Variants in GUCY1A2 observed in about 807,000 individuals in gnomAD.
GUCY1A2 encodes the protein guanylate cyclase soluble subunit alpha-2.
Under a neutral mutation model 63.5 loss-of-function variants are expected in GUCY1A2, and 27 were observed. The ratio of observed to expected loss-of-function variants is 0.43; its 90% CI spans 0.31 to 0.59. The LOEUF (loss-of-function observed/expected upper bound fraction) is 0.59. Ranked by LOEUF, GUCY1A2 falls within the 20% of genes least tolerant of loss-of-function variation. The pLI is 0.11. For missense variants in GUCY1A2, 768 were observed against 913.3 expected, an observed-to-expected ratio of 0.84 and a Z score of 2.05; for synonymous variants, 364 against 343.5, an observed-to-expected ratio of 1.06 and a Z score of -0.66.
intron 4 of GUCY1A2, among the ~76,000 whole-genome samples, chr11:106,908,579 G>T (rs1211221867): frequency 4.6e-5 from 7 of 151,872 alleles, no homozygotes; most frequent in Non-Finnish European, 1.0e-4. Context: ...TTTGCAGAGA[G>T]AGAGGATGAT....
At chr11:106,847,000 G>C (rs1591300138) in intron 4 of GUCY1A2, among the ~76,000 whole-genome samples, 1 of 151,232 alleles carries the variant, frequency 6.6e-6, no homozygotes. Context: ...TTAGATATAA[G>C]AAAATAAAAG....
chr11:106,970,147 G>A (rs1415840848), intron 3 of GUCY1A2, among the ~76,000 whole-genome samples: 1 of 152,148 alleles, frequency 6.6e-6, no homozygotes, highest in African/African-American at 2.4e-5. Context: ...CTGGGGGTTA[G>A]GAGAGCATAA....
chr11:106,792,568 A>G (rs762677545), intron 5 of GUCY1A2, among the ~76,000 whole-genome samples: 3 of 152,226 alleles, frequency 2.0e-5, no homozygotes, highest in Middle Eastern at 3.4e-3. Context: ...TTCAACATCC[A>G]TTCATGTTAA....
intron 7 of GUCY1A2, among the ~76,000 whole-genome samples, chr11:106,697,185 A>G (rs534463132): frequency 6.6e-6 from 1 of 152,352 alleles, no homozygotes; most frequent in South Asian, 2.1e-4. Flanking sequence ...CATGTTGGCT[A>G]ATATCACAAA....
At chr11:106,788,621 G>A (rs1483265257) in intron 5 of GUCY1A2, among the ~76,000 whole-genome samples, 10 of 152,122 alleles carry the variant, frequency 6.6e-5, no homozygotes, top group African/African-American at 2.4e-4. Flanking sequence ...CCCAGCATAT[G>A]CATATCCAGT....
chr11:106,981,115 G>GT (rs1259162250), intron 2 of GUCY1A2, among the ~76,000 whole-genome samples: 5 of 151,972 alleles, frequency 3.3e-5, no homozygotes, highest in African/African-American at 1.2e-4. Flanking sequence ...AAAAGATACA[G>GT]TTTTTTTCTA....
chr11:106,936,545 GAGA>G, intron 4 of GUCY1A2: 1 of 567,858 alleles, frequency 1.8e-6, no homozygotes, highest in South Asian at 2.6e-5. Flanking sequence ...AATAGGGAGA[GAGA>G]AGAATATGTG....
At chr11:106,929,201 A>G (rs1263502025) in intron 4 of GUCY1A2, among the ~76,000 whole-genome samples, 1 of 152,210 alleles carries the variant, frequency 6.6e-6, no homozygotes, top group East Asian at 1.9e-4. Context: ...AAAAATGTAA[A>G]TAAGTGGCTT....
chr11:106,713,428 T>C (rs999940444), intron 6 of GUCY1A2, among the ~76,000 whole-genome samples: 1 of 151,816 alleles, frequency 6.6e-6, no homozygotes, highest in African/African-American at 2.4e-5. Flanking sequence ...AGTATTCCTC[T>C]TAAACAAACT....
chr11:107,004,273 T>C (rs1861645077), intron 1 of GUCY1A2, among the ~76,000 whole-genome samples: 1 of 152,206 alleles, frequency 6.6e-6, no homozygotes, highest in Admixed American at 6.5e-5. Flanking sequence ...GATTCCAACC[T>C]TATTTCCGTC....
intron 4 of GUCY1A2, among the ~76,000 whole-genome samples, chr11:106,837,520 T>C (rs1203364293): frequency 6.6e-6 from 1 of 151,992 alleles, no homozygotes; most frequent in African/African-American, 2.4e-5. Context: ...AGTAATCGGA[T>C]TGCTGGGTCA....
chr11:106,821,336 T>A (rs1034768619), intron 4 of GUCY1A2, among the ~76,000 whole-genome samples: 1 of 152,212 alleles, frequency 6.6e-6, no homozygotes, highest in African/African-American at 2.4e-5. Context: ...ACAAACAAAC[T>A]GCCTTTTTTC....
chr11:106,956,657 CCTT>C (rs774158599), intron 3 of GUCY1A2, among the ~76,000 whole-genome samples: 2 of 152,272 alleles, frequency 1.3e-5, no homozygotes, highest in Non-Finnish European at 2.9e-5. Flanking sequence ...GGTGCCTGCT[CCTT>C]CTTCTGGGAC....
At chr11:106,883,361 A>G (rs1211919335) in intron 4 of GUCY1A2, among the ~76,000 whole-genome samples, 1 of 152,110 alleles carries the variant, frequency 6.6e-6, no homozygotes, top group Non-Finnish European at 1.5e-5. Flanking sequence ...ATAATGTGTT[A>G]TTTGTATCTA....
chr11:106,678,781 T>C lies in GUCY1A2; in HGVS notation c.*8768A>G, dbSNP rs1402262622. On this transcript the variant is annotated 3_prime_UTR_variant, in exon 8 of 8. Coordinates refer to ENST00000526355, the MANE Select transcript of GUCY1A2 (RefSeq NM_000855.3). ...AGTATTATTTGACTATTATCCTTAA[T>C]GTTTATGTTATTTTAAAAAGTGTAA... 5.1e-6 allele frequency: 1 copy of C among 197,720 alleles called. No individual in the cohort carries two copies. The highest frequency in any genetic ancestry group is 1.0e-5 in the Non-Finnish European group (1 of 95,500). 12.2% of individuals were successfully genotyped at this position (197,720 alleles called of 1,614,324 possible). A position where few individuals can be genotyped will look rare whatever the true frequency, so the allele number is the denominator to read the frequency against.
chr11:106,814,294 T>A (rs904769138), intron 4 of GUCY1A2, among the ~76,000 whole-genome samples: 4 of 152,106 alleles, frequency 2.6e-5, no homozygotes, highest in Admixed American at 1.3e-4. Flanking sequence ...ATGTAATTTA[T>A]GAAAGCACAA....
intron 4 of GUCY1A2, among the ~76,000 whole-genome samples, chr11:106,906,418 A>C (rs1860206655): frequency 6.6e-6 from 1 of 152,200 alleles, no homozygotes; most frequent in Non-Finnish European, 1.5e-5. Context: ...TAGAATGGTG[A>C]TCATTAAAAA....
chr11:106,957,406 G>A (rs1476295036), intron 3 of GUCY1A2, among the ~76,000 whole-genome samples: 1 of 152,186 alleles, frequency 6.6e-6, no homozygotes, highest in African/African-American at 2.4e-5. Context: ...TTCCAAGGCT[G>A]GGACGCTAGG....
intron 4 of GUCY1A2, among the ~76,000 whole-genome samples, chr11:106,888,028 T>C (rs1859921807): frequency 6.6e-6 from 1 of 152,108 alleles, no homozygotes; most frequent in South Asian, 2.1e-4. Flanking sequence ...GATAAATCAC[T>C]TCAAAACTTG....
Sources: gnomAD v4.1 joint callset for allele counts (sites outside exome capture counted in the v4.1 genomes callset) on GRCh38, gnomAD v4.1.1 for gene constraint, MANE v1.5 for transcripts, NCBI Gene and HGNC (gene_info 2026-07-23, HGNC 2026-07-21) for gene names.